The following FMNL2 variants were observed in gnomAD, a reference collection of about 807,000 sequenced individuals.
FMNL2 encodes the protein formin like 2.
FMNL2 carries 51 observed loss-of-function variants against 130.2 expected under a neutral mutation model. That is an observed-to-expected ratio of 0.39 (90% CI 0.31 to 0.49). The LOEUF (loss-of-function observed/expected upper bound fraction) is 0.49, where lower values mean the gene tolerates loss of function less well. Ranked by LOEUF, FMNL2 falls within the 20% of genes least tolerant of loss-of-function variation. The pLI is 0.85. For synonymous variants in FMNL2, 465 were observed against 467.1 expected (o/e 1.00, Z 0.06); for missense variants, 977 against 1,316.2 (o/e 0.74, Z 3.99).
chr2:152,511,499 T>C (rs1002590502), intron 1 of FMNL2, among the ~76,000 whole-genome samples: 6 of 152,244 alleles, frequency 3.9e-5, no homozygotes, highest in African/African-American at 1.2e-4. Context: ...ATCATGGTTA[T>C]GGCAAAAATA....
intron 25 of FMNL2, among the ~76,000 whole-genome samples, chr2:152,641,515 T>G (rs1359088959): frequency 6.6e-6 from 1 of 152,244 alleles, no homozygotes; most frequent in East Asian, 1.9e-4. Flanking sequence ...TGGGCACTAG[T>G]AGGAGAGGCA....
At chr2:152,641,176 A>T (rs1484840030) in intron 25 of FMNL2, among the ~76,000 whole-genome samples, 1 of 152,056 alleles carries the variant, frequency 6.6e-6, no homozygotes, top group Non-Finnish European at 1.5e-5. Flanking sequence ...ATATGTCATC[A>T]TGCTCCATTT....
intron 1 of FMNL2, among the ~76,000 whole-genome samples, chr2:152,465,642 A>G (rs747258890): frequency 6.6e-6 from 1 of 152,176 alleles, no homozygotes; most frequent in Non-Finnish European, 1.5e-5. Flanking sequence ...CCCACCCCCC[A>G]TCTGGCTCAA....
intron 1 of FMNL2, among the ~76,000 whole-genome samples, chr2:152,408,154 C>A (rs990561831): frequency 7.2e-5 from 11 of 152,136 alleles, no homozygotes; most frequent in Non-Finnish European, 1.5e-4. Context: ...AACACAGAGC[C>A]TTGGATTCTG....
chr2:152,617,274 T>G (rs967488897), intron 13 of FMNL2, 82 bp downstream of exon 13: 2 of 1,256,850 alleles, frequency 1.6e-6, no homozygotes, highest in Non-Finnish European at 2.3e-6. Flanking sequence ...GCAGAGTACC[T>G]TCATTTCAGA....
chr2:152,577,708 A>T (rs1027792057), intron 7 of FMNL2, among the ~76,000 whole-genome samples: 1 of 152,144 alleles, frequency 6.6e-6, no homozygotes, highest in African/African-American at 2.4e-5. Flanking sequence ...GTCAAGTAAG[A>T]TGTGGAGTGA....
chr2:152,442,948 A>G (rs1157529219), intron 1 of FMNL2, among the ~76,000 whole-genome samples: 1 of 152,200 alleles, frequency 6.6e-6, no homozygotes, highest in African/African-American at 2.4e-5. Context: ...CAGTCTGAAG[A>G]TCATACTCAT....
intron 1 of FMNL2, among the ~76,000 whole-genome samples, chr2:152,484,861 CTT>C (rs1690730933): frequency 6.6e-6 from 1 of 152,114 alleles, no homozygotes; most frequent in Non-Finnish European, 1.5e-5. Flanking sequence ...AAAAGATGCT[CTT>C]AGGGATTGGG....
intron 1 of FMNL2, among the ~76,000 whole-genome samples, chr2:152,490,452 T>A (rs1691093189): frequency 6.6e-6 from 1 of 152,118 alleles, no homozygotes; most frequent in Non-Finnish European, 1.5e-5. Flanking sequence ...AACATCGACG[T>A]TCCTGGAAAT....
At chr2:152,634,023 GGAT>G (rs1395763738) in intron 21 of FMNL2, among the ~76,000 whole-genome samples, 3 of 152,198 alleles carry the variant, frequency 2.0e-5, no homozygotes, top group Non-Finnish European at 2.9e-5. Flanking sequence ...AGAGAATCAA[GGAT>G]GATAAGACAG....
intron 1 of FMNL2, among the ~76,000 whole-genome samples, chr2:152,495,502 T>G (rs1249676662): frequency 1.3e-5 from 2 of 151,346 alleles, no homozygotes; most frequent in African/African-American, 4.9e-5. Context: ...ATATAAAAAT[T>G]AGCTGGGTGT....
rs182397722 is a variant in FMNL2, at chr2:152,638,461, T to C, written c.2946+787T>C. ...GGATGTGGCAGGGTTCTCCACACTT[T>C]TGAGAAGTCCTGTTGGAAATAGGGG... On this transcript the variant is annotated intron_variant, in intron 23 of 25. Coordinates refer to ENST00000288670, the MANE Select transcript of FMNL2 (RefSeq NM_052905.4). 9.3e-3 allele frequency among the ~76,000 whole-genome samples: 1,412 copies of C among 152,280 alleles called. 14 individuals carry two copies. Among genetic ancestry groups the C allele is most frequent in the Non-Finnish European group, 0.015 (1,032 of 68,026 alleles).
At chr2:152,440,081 T>G (rs1558865201) in intron 1 of FMNL2, among the ~76,000 whole-genome samples, 1 of 151,982 alleles carries the variant, frequency 6.6e-6, no homozygotes, top group Admixed American at 6.6e-5. Flanking sequence ...CAGCCTGCCT[T>G]AACTAAATGG....
chr2:152,388,091 T>C lies in FMNL2; in HGVS notation c.117+52371T>C, dbSNP rs115324894. Among the ~76,000 whole-genome samples the C allele has an allele frequency of 9.3e-3, 1,411 of 152,318 alleles. 23 individuals carry two copies. The highest frequency in any genetic ancestry group is 0.032 in the African/African-American group (1,349 of 41,560). On this transcript the variant is annotated intron_variant, in intron 1 of 25. Transcript: ENST00000288670. ...TTAGATGACAAAGATTCTTAGAAAT[T>C]CTTGCTCTGTTTATTTTGTACTTCC... is the stretch of plus-strand genomic sequence containing the variant.
At chr2:152,494,129 A>G (rs780080926) in intron 1 of FMNL2, among the ~76,000 whole-genome samples, 1 of 152,222 alleles carries the variant, frequency 6.6e-6, no homozygotes, top group Admixed American at 6.5e-5. Context: ...AGAGTGGGGC[A>G]GTTCCTCTGG....
chr2:152,580,883 T>G (rs956665339), intron 8 of FMNL2, 73 bp from the exon 9 acceptor site: 1 of 1,361,416 alleles, frequency 7.3e-7, no homozygotes. Context: ...CTCATGTATC[T>G]TGGAAGGAAG....
At chr2:152,434,006 A>G (rs1271143242) in intron 1 of FMNL2, among the ~76,000 whole-genome samples, 1 of 152,224 alleles carries the variant, frequency 6.6e-6, no homozygotes, top group East Asian at 1.9e-4. Flanking sequence ...ATGCAAGGAG[A>G]AAGCCCATTT....
At chr2:152,427,667 G>C (rs1296441330) in intron 1 of FMNL2, among the ~76,000 whole-genome samples, 2 of 151,912 alleles carry the variant, frequency 1.3e-5, no homozygotes, top group East Asian at 3.9e-4. Context: ...TATGTGAAAT[G>C]AAAACATTTC....
At chr2:152,524,834 T>G (rs1426896346) in intron 2 of FMNL2, among the ~76,000 whole-genome samples, 2 of 152,128 alleles carry the variant, frequency 1.3e-5, no homozygotes, top group Admixed American at 1.3e-4. Flanking sequence ...TTTAGGGGGT[T>G]TAGAGATCCT....
Sources: allele counts gnomAD v4.1 joint callset (sites outside exome capture counted in the v4.1 genomes callset), GRCh38; gene constraint gnomAD v4.1.1; transcripts MANE v1.5; gene names NCBI Gene and HGNC (gene_info 2026-07-23, HGNC 2026-07-21).